Variants in LIMD1 observed in about 807,000 individuals in gnomAD.
LIMD1 encodes LIM domain-containing protein 1.
In LIMD1, 23 loss-of-function variants were observed where a neutral mutation model predicts 58.4. That is an observed-to-expected ratio of 0.39 (90% CI 0.28 to 0.56). The LOEUF (loss-of-function observed/expected upper bound fraction) is 0.56. LIMD1 is among the 20% of genes least tolerant of loss of function. The probability of loss-of-function intolerance (pLI) is 0.57; values close to 1 mark genes in which losing one functional copy is unlikely to be tolerated. For missense variants in LIMD1, 838 were observed against 855.5 expected (o/e 0.98, Z 0.25); for synonymous variants, 334 against 345.5 (o/e 0.97, Z 0.37).
chr3:45,664,439 A>G (rs1248270705), intron 2 of LIMD1, among the ~76,000 whole-genome samples: 1 of 152,154 alleles, frequency 6.6e-6, no homozygotes, highest in Non-Finnish European at 1.5e-5. Context: ...TATGAAGCTG[A>G]CTTAGCTATA....
chr3:45,635,728 G>A (rs1215720788), intron 1 of LIMD1, among the ~76,000 whole-genome samples: 17 of 50,190 alleles, frequency 3.4e-4, no homozygotes, highest in African/African-American at 1.4e-3. Context: ...CAAGATCCCC[G>A]TCTCAAAAAA....
At chr3:45,636,817 T>C (rs1343984457) in intron 2 of LIMD1, among the ~76,000 whole-genome samples, 1 of 152,172 alleles carries the variant, frequency 6.6e-6, no homozygotes, top group Non-Finnish European at 1.5e-5. Flanking sequence ...CTCCAGTACA[T>C]GCATTATAAT....
At chr3:45,663,722 C>T (rs1697473269) in intron 2 of LIMD1, among the ~76,000 whole-genome samples, 1 of 151,688 alleles carries the variant, frequency 6.6e-6, no homozygotes, top group Non-Finnish European at 1.5e-5. Flanking sequence ...GGTACTAATA[C>T]TATTTTAATT....
intron 2 of LIMD1, among the ~76,000 whole-genome samples, chr3:45,648,353 C>T (rs934564830): frequency 2.0e-5 from 3 of 152,224 alleles, no homozygotes; most frequent in Non-Finnish European, 4.4e-5. Context: ...ATATGATCTT[C>T]TGTGTCTGGC....
At chr3:45,646,619 A>G (rs1701910340) in intron 2 of LIMD1, among the ~76,000 whole-genome samples, 1 of 151,594 alleles carries the variant, frequency 6.6e-6, no homozygotes, top group Non-Finnish European at 1.5e-5. Context: ...TAAAGTTTAA[A>G]TTTATTTTAG....
At chr3:45,639,404 A>T (rs1701819605) in intron 2 of LIMD1, among the ~76,000 whole-genome samples, 1 of 152,186 alleles carries the variant, frequency 6.6e-6, no homozygotes, top group African/African-American at 2.4e-5. Context: ...GGACTGTTAT[A>T]ACAAAGTACC....
In LIMD1 at chr3:45,595,680, C is replaced by T. The variant is rs764066117; in HGVS notation, c.801C>T (p.Ser267=). ...EKPTGLWSTA[S]SQRVSPGLPS... ...CAACAGGCCTTTGGTCCACTGCCTC[C>T]TCCCAGCGGGTGAGCCCTGGCCTGC... Residue 267 remains serine, a synonymous_variant, in exon 1 of 8, where the codon TCC becomes TCT. Transcript: ENST00000273317. 1.9e-6 allele frequency: 3 copies of T among 1,614,194 alleles called. No individual in the cohort carries two copies. Among genetic ancestry groups the T allele is most frequent in the Non-Finnish European group, 2.5e-6 (3 of 1,180,042 alleles).
chr3:45,641,405 C>T (rs34355059), intron 2 of LIMD1, among the ~76,000 whole-genome samples: 33,190 of 151,718 alleles, frequency 0.22, 4,192 homozygotes, highest in Non-Finnish European at 0.29. Flanking sequence ...TCTGAACATA[C>T]TTGTATATGT....
intron 2 of LIMD1, among the ~76,000 whole-genome samples, chr3:45,651,652 G>A (rs574226919): frequency 1.3e-5 from 2 of 150,756 alleles, no homozygotes; most frequent in Non-Finnish European, 3.0e-5. Context: ...TTTTTTTTAA[G>A]ATGGAGTCTT....
chr3:45,670,333 C>T (rs1227404049), intron 4 of LIMD1, among the ~76,000 whole-genome samples: 1 of 152,176 alleles, frequency 6.6e-6, no homozygotes, highest in Non-Finnish European at 1.5e-5. Context: ...TTATCTATTG[C>T]TGCATGACAA....
At chr3:45,628,015 A>AAAAAG (rs1553644008) in intron 1 of LIMD1, among the ~76,000 whole-genome samples, 23 of 149,722 alleles carry the variant, frequency 1.5e-4, no homozygotes, top group Non-Finnish European at 1.8e-4. Context: ...CTCAAAAAAA[A>AAAAAG]AAAAGAAAAA....
chr3:45,631,148 T>G (rs1039768398), intron 1 of LIMD1, among the ~76,000 whole-genome samples: 1 of 152,012 alleles, frequency 6.6e-6, no homozygotes, highest in Non-Finnish European at 1.5e-5. Context: ...AGGTTACAGG[T>G]AGCCGAGATC....
chr3:45,602,267 TC>T (rs1196299932), intron 1 of LIMD1, among the ~76,000 whole-genome samples: 1 of 152,072 alleles, frequency 6.6e-6, no homozygotes, highest in Non-Finnish European at 1.5e-5. Flanking sequence ...GACTTTTGTG[TC>T]CCCTGGACCT....
intron 2 of LIMD1, among the ~76,000 whole-genome samples, chr3:45,662,333 G>C (rs1057375074): frequency 6.6e-6 from 1 of 151,760 alleles, no homozygotes; most frequent in Non-Finnish European, 1.5e-5. Context: ...GGTACTATGG[G>C]AAATAATCCT....
intron 2 of LIMD1, among the ~76,000 whole-genome samples, chr3:45,663,785 A>G (rs1697474158): frequency 6.6e-6 from 1 of 150,840 alleles, no homozygotes; most frequent in African/African-American, 2.4e-5. Flanking sequence ...CCCAGTCTTG[A>G]CTCACTGCAA....
intron 2 of LIMD1, among the ~76,000 whole-genome samples, chr3:45,658,579 T>G (rs1014251083): frequency 2.2e-5 from 3 of 137,974 alleles, no homozygotes; most frequent in Non-Finnish European, 3.1e-5. Flanking sequence ...AGACTGAGTT[T>G]TGCTCATGTT....
At chr3:45,658,825 G>T (rs6778381) in intron 2 of LIMD1, among the ~76,000 whole-genome samples, 3,589 of 151,862 alleles carry the variant, frequency 0.024, 143 homozygotes, top group African/African-American at 0.08. Flanking sequence ...AAAGTGCTAG[G>T]ATTACAGGCA....
In LIMD1 at chr3:45,619,531, G is replaced by C. The variant is rs184741734; in HGVS notation, c.1409-16619G>C. Among the ~76,000 whole-genome samples the C allele has an allele frequency of 9.2e-4, 140 of 152,258 alleles. 1 individual carries two copies. Among genetic ancestry groups the C allele is most frequent in the Middle Eastern group, 6.8e-3 (2 of 294 alleles). On this transcript the variant is annotated intron_variant, in intron 1 of 7. Transcript: ENST00000273317. ...TCACGTTTTAAGGCTGGGCATGGTG[G>C]ATCACGCCTGTAATCCCAGCACTTT... is the stretch of plus-strand genomic sequence containing the variant.
chr3:45,653,741 C>G (rs1227627912), intron 2 of LIMD1, among the ~76,000 whole-genome samples: 1 of 151,878 alleles, frequency 6.6e-6, no homozygotes, highest in Non-Finnish European at 1.5e-5. Context: ...GAAACCCCAT[C>G]TCTACTAAAA....
Sources: allele counts gnomAD v4.1 joint callset (sites outside exome capture counted in the v4.1 genomes callset), GRCh38; gene constraint gnomAD v4.1.1; transcripts MANE v1.5; gene names NCBI Gene and HGNC (gene_info 2026-07-23, HGNC 2026-07-21).